The following GAK variants were observed in gnomAD, a reference collection of about 807,000 sequenced individuals.
GAK encodes the protein cyclin-G-associated kinase.
A neutral mutation model predicts 143.9 loss-of-function variants in GAK; 79 were observed. That is an observed-to-expected ratio of 0.55 (90% CI 0.46 to 0.66). The LOEUF is 0.66. GAK is among the 30% of genes least tolerant of loss of function. The pLI, the probability that GAK is intolerant of heterozygous loss-of-function variation, is 0.00. For missense variants in GAK, 1,693 were observed against 1,779.7 expected, an observed-to-expected ratio of 0.95 and a Z score of 0.88; for synonymous variants, 881 against 765.5, an observed-to-expected ratio of 1.15 and a Z score of -2.49.
intron 4 of GAK, among the ~76,000 whole-genome samples, chr4:908,364 C>T (rs576930584): frequency 3.9e-5 from 6 of 152,130 alleles, no homozygotes. Flanking sequence ...ACGAAGCGAC[C>T]GCACCACGTG....
chr4:870,683 T>A (rs777690125), intron 19 of GAK, 28 bp downstream of exon 19: 7 of 1,607,978 alleles, frequency 4.4e-6, no homozygotes, highest in Non-Finnish European at 6.0e-6. Flanking sequence ...CAGAACAGGG[T>A]TCACCTAATT....
At chr4:859,465 T>C in intron 24 of GAK, 141 bp downstream of exon 24, 1 of 1,600,138 alleles carries the variant, frequency 6.2e-7, no homozygotes, top group East Asian at 2.2e-5. Context: ...GCTGTCCCCT[T>C]GGGCTCACTG....
intron 3 of GAK, chr4:912,483 T>C (rs1194858509): frequency 2.7e-5 from 12 of 446,902 alleles, no homozygotes; most frequent in African/African-American, 4.0e-5. Flanking sequence ...GGGAGACCTC[T>C]TGGGTAGGAA....
chr4:878,651 T>C (rs996159006), intron 15 of GAK, among the ~76,000 whole-genome samples: 2 of 152,244 alleles, frequency 1.3e-5, no homozygotes, highest in African/African-American at 4.8e-5. Context: ...AGGTCTACCC[T>C]ACAAATGAGT....
At position 854,789 on chromosome 4, in the gene GAK, T is replaced by A. The variant is rs191522059; in HGVS notation, c.3284-2815A>T. On this transcript the variant is annotated intron_variant, in intron 24 of 27. Coordinates refer to ENST00000314167, the MANE Select transcript of GAK (RefSeq NM_005255.4). Reference sequence around the variant, plus strand: ...GGCTGGGTGCGGTGGCTCACGCCTGTAATCCCAGCACTTTGGGAGGCCGAG... The same window carrying A: ...GGCTGGGTGCGGTGGCTCACGCCTGAAATCCCAGCACTTTGGGAGGCCGAG... 8.4e-4 allele frequency among the ~76,000 whole-genome samples: 128 copies of A among 152,342 alleles called. 1 individual carries two copies. Among genetic ancestry groups the A allele is most frequent in the African/African-American group, 2.9e-3 (121 of 41,590 alleles).
At position 911,726 on chromosome 4, in the gene GAK, T is replaced by C. The variant is rs745982330; in HGVS notation, c.329A>G (p.Glu110Gly). 1.9e-6 allele frequency: 3 copies of C among 1,613,952 alleles called. No homozygotes were observed. In the African/African-American group the frequency reaches 4.0e-5, roughly 22 times the overall value. ...CTCAGCCTGCCCCGTGTCTGACTCC[T>C]CTTTTCCTATAGACGCTGCAGAACA... is the stretch of plus-strand genomic sequence containing the variant. ...QFCSAASIGK[E>G]ESDTGQAEFL... Residue 110 changes from glutamate to glycine, a missense_variant, in exon 4 of 28, where the codon GAG becomes GGG. This residue lies in a region of GAK where 871 missense variants were observed against 991.0 expected (regional missense o/e 0.88). Transcript: ENST00000314167.
At chr4:854,862 G>A (rs192107728) in intron 24 of GAK, among the ~76,000 whole-genome samples, 1,568 of 152,268 alleles carry the variant, frequency 0.01, 14 homozygotes, top group African/African-American at 0.024. Flanking sequence ...TGACTAACAC[G>A]GTGAAACCCC....
In GAK at chr4:898,045, C is replaced by A; in HGVS notation, c.639G>T (p.Leu213=). 6.2e-7 allele frequency: 1 copy of A among 1,613,100 alleles called. No homozygotes were observed. Among genetic ancestry groups the A allele is most frequent in the East Asian group, 2.2e-5 (1 of 44,866 alleles). Residue 213 remains leucine (L), a synonymous_variant, in exon 6 of 28, where the codon CTG becomes CTT. Coordinates refer to ENST00000314167, the MANE Select transcript of GAK (RefSeq NM_005255.4). ...DYSWSAQRRA[L]VEEEITRNTT... ...CCACTCAGCTCACCTCTTCCTCCACCAGGGCTCGCCTCTGGGCGCTCCAGC... is the reference window on the plus strand; with the variant it reads ...CCACTCAGCTCACCTCTTCCTCCACAAGGGCTCGCCTCTGGGCGCTCCAGC...
chr4:903,869 A>ACCCCCAACTGGGCGTGAAGG (rs1720528889), intron 5 of GAK, among the ~76,000 whole-genome samples: 1 of 151,966 alleles, frequency 6.6e-6, no homozygotes, highest in Non-Finnish European at 1.5e-5. Flanking sequence ...GGCTGTGAGC[A>ACCCCCAACTGGGCGTGAAGG]CCCCCAACTG....
At chr4:929,619 C>T (rs1466064132) in intron 1 of GAK, among the ~76,000 whole-genome samples, 2 of 151,590 alleles carry the variant, frequency 1.3e-5, no homozygotes, top group Non-Finnish European at 2.9e-5. Context: ...CTCGGGAGGC[C>T]GAGGCAGGAA....
At chr4:923,385 C>T (rs1002389268) in intron 1 of GAK, among the ~76,000 whole-genome samples, 2 of 152,154 alleles carry the variant, frequency 1.3e-5, no homozygotes, top group African/African-American at 2.4e-5. Flanking sequence ...GGAACAGGCA[C>T]AGGCCAGGCA....
At chr4:850,383 G>C (rs187485240) in intron 26 of GAK, 22 of 300,284 alleles carry the variant, frequency 7.3e-5, no homozygotes, top group Admixed American at 6.0e-4. Context: ...CCCAGACTCC[G>C]AGGGAGAAGG....
At chr4:875,605 G>A (rs541029870) in intron 18 of GAK, among the ~76,000 whole-genome samples, 1 of 152,258 alleles carries the variant, frequency 6.6e-6, no homozygotes, top group African/African-American at 2.4e-5. Flanking sequence ...GGGAGCCCCC[G>A]TGGGTGCCCC....
rs373873427 is a variant in GAK at position 877,180 on chromosome 4, C to A, written c.1884G>T (p.Ala628=). ...GCACCGTGACGCCCAGGGGAATCAC[C>A]GCTTTGCCATCTTCAATCTTAAAGT... ...MRDFKIEDGK[A]VIPLGVTVQG... Residue 628 remains alanine (A), a synonymous_variant, in exon 17 of 28, where the codon GCG becomes GCT. Coordinates refer to ENST00000314167, the MANE Select transcript of GAK (RefSeq NM_005255.4). The A allele has an allele frequency of 1.2e-5, 20 of 1,613,496 alleles. No individual in the cohort carries two copies. The highest frequency in any genetic ancestry group is 1.6e-5 in the Non-Finnish European group (19 of 1,179,636).
chr4:855,853 G>A (rs997342333), intron 24 of GAK, among the ~76,000 whole-genome samples: 1 of 152,202 alleles, frequency 6.6e-6, no homozygotes, highest in Non-Finnish European at 1.5e-5. Context: ...TACTCAGGAG[G>A]CTGAGGCGGG....
chr4:920,101 G>A (rs1723671577), intron 1 of GAK, among the ~76,000 whole-genome samples: 1 of 152,126 alleles, frequency 6.6e-6, no homozygotes, highest in Non-Finnish European at 1.5e-5. Flanking sequence ...CACAAGGTGA[G>A]ATCGAGACCA....
rs765286527 is a variant in GAK at position 877,706 on chromosome 4, T to C, written c.1765A>G (p.Ser589Gly). 2 of 1,613,346 alleles carry C rather than the reference T, an allele frequency of 1.2e-6. No homozygotes were observed. The highest frequency in any genetic ancestry group is 1.7e-6 in the Non-Finnish European group (2 of 1,179,934). ...GGCCTGCAGCCGCTCCTCTGCTTGC[T>C]GAACAGCGGCACGGGTGTCATGACC... ...AVVMTPVPLF[S>G]KQRSGCRPFC... The change falls in exon 16 of 28, where the codon AGC becomes GGC. Residue 589 changes from serine to glycine, a missense_variant. Around this residue, in one of 2 missense-constraint regions of GAK, gnomAD observed 871 missense variants for 991.0 expected, o/e 0.88. Coordinates refer to ENST00000314167, the MANE Select transcript of GAK (RefSeq NM_005255.4).
chr4:868,392 G>C, intron 20 of GAK, 147 bp downstream of exon 20: 1 of 677,252 alleles, frequency 1.5e-6, no homozygotes, highest in Middle Eastern at 4.1e-4. Context: ...TTAAAGAACA[G>C]GCTGACATGC....
chr4:931,171 T>C (rs1272555822), intron 1 of GAK, among the ~76,000 whole-genome samples: 2 of 152,216 alleles, frequency 1.3e-5, no homozygotes, highest in African/African-American at 4.8e-5. Flanking sequence ...CGATTCCGTG[T>C]GAACGGAGAG....
Sources: allele counts gnomAD v4.1 joint callset (sites outside exome capture counted in the v4.1 genomes callset), GRCh38; gene constraint gnomAD v4.1.1; regional missense constraint gnomAD v4.1.1; transcripts MANE v1.5; gene names NCBI Gene and HGNC (gene_info 2026-07-23, HGNC 2026-07-21).